TACR3: variants seen among roughly 807,000 people sequenced by gnomAD.
The protein encoded by TACR3 is tachykinin receptor 3.
A neutral mutation model predicts 35.0 loss-of-function variants in TACR3; 34 were observed. That is an observed-to-expected ratio of 0.97 (90% CI 0.74 to 1.30). The LOEUF is 1.30. Among genes scored for constraint, TACR3 ranks in the 50% most tolerant of loss-of-function variants. TACR3 has a pLI of 0.00. For missense variants in TACR3, 558 were observed against 591.7 expected, an observed-to-expected ratio of 0.94 and a Z score of 0.59; for synonymous variants, 233 against 221.1, an observed-to-expected ratio of 1.05 and a Z score of -0.48.
intron 3 of TACR3, among the ~76,000 whole-genome samples, chr4:103,642,439 A>T (rs1646899785): frequency 6.6e-6 from 1 of 151,870 alleles, no homozygotes; most frequent in Non-Finnish European, 1.5e-5. Flanking sequence ...TACTGAAGAA[A>T]ACGTGGTATA....
At chr4:103,635,406 T>C (rs1725165157) in intron 3 of TACR3, among the ~76,000 whole-genome samples, 1 of 151,974 alleles carries the variant, frequency 6.6e-6, no homozygotes. Flanking sequence ...GTCTCCATGC[T>C]AAACTGAACT....
chr4:103,698,283 A>G (rs1316432491), intron 1 of TACR3, among the ~76,000 whole-genome samples: 2 of 152,132 alleles, frequency 1.3e-5, no homozygotes, highest in Admixed American at 6.5e-5. Flanking sequence ...TTAAAAATTT[A>G]CTTCATTTAT....
intron 1 of TACR3, among the ~76,000 whole-genome samples, chr4:103,671,542 CCTTTT>C (rs1560525516): frequency 6.6e-6 from 1 of 151,834 alleles, no homozygotes; most frequent in Non-Finnish European, 1.5e-5. Flanking sequence ...AAGAATTTAT[CCTTTT>C]CTTCTAGGTT....
chr4:103,635,560 T>A (rs985337032), intron 3 of TACR3, among the ~76,000 whole-genome samples: 5 of 152,014 alleles, frequency 3.3e-5, no homozygotes, highest in Non-Finnish European at 7.4e-5. Context: ...GTCAATGGTG[T>A]GACGGAAAAC....
At chr4:103,607,341 C>G (rs149489345) in intron 3 of TACR3, among the ~76,000 whole-genome samples, 77 of 152,092 alleles carry the variant, frequency 5.1e-4, no homozygotes, top group African/African-American at 1.8e-3. Context: ...TTGAAGGTAT[C>G]TGATTTTCAG....
At chr4:103,692,230 G>T (rs998687128) in intron 1 of TACR3, among the ~76,000 whole-genome samples, 2 of 151,698 alleles carry the variant, frequency 1.3e-5, no homozygotes, top group Non-Finnish European at 2.9e-5. Flanking sequence ...TACGTAAAAA[G>T]GTTTACCATG....
intron 3 of TACR3, among the ~76,000 whole-genome samples, chr4:103,596,700 C>T (rs1057356117): frequency 1.3e-5 from 2 of 151,968 alleles, no homozygotes; most frequent in Non-Finnish European, 2.9e-5. Flanking sequence ...GTCTGCTGCA[C>T]CCATTAACTC....
At chr4:103,642,119 C>T (rs931803185) in intron 3 of TACR3, among the ~76,000 whole-genome samples, 3 of 151,484 alleles carry the variant, frequency 2.0e-5, no homozygotes, top group Non-Finnish European at 4.4e-5. Flanking sequence ...GAATAAATTT[C>T]AAATGTTCTC....
chr4:103,641,518 G>T (rs1050966804), intron 3 of TACR3, among the ~76,000 whole-genome samples: 1 of 151,920 alleles, frequency 6.6e-6, no homozygotes. Flanking sequence ...CTTGTACACT[G>T]TTGTTGGGAA....
At chr4:103,709,589 C>T (rs1218033950) in intron 1 of TACR3, among the ~76,000 whole-genome samples, 1 of 152,186 alleles carries the variant, frequency 6.6e-6, no homozygotes, top group African/African-American at 2.4e-5. Context: ...CAGGAAGAAA[C>T]TGCATCAACT....
At position 103,618,394 on chromosome 4, in the gene TACR3, T is replaced by G. The variant is rs144344986; in HGVS notation, c.889-26711A>C. 2.2e-3 allele frequency among the ~76,000 whole-genome samples: 331 copies of G among 152,162 alleles called. 1 individual carries two copies. The highest frequency in any genetic ancestry group is 7.6e-3 in the African/African-American group (317 of 41,526). ...CAAAGTTCAGATGGTTGGTTGTAGG[T>G]GTGTGGCTTATTTCTGAGTTTTCTG... On this transcript the variant is annotated intron_variant, in intron 3 of 4. Transcript: ENST00000304883.
intron 3 of TACR3, among the ~76,000 whole-genome samples, chr4:103,635,783 T>TG (rs59475846): frequency 1.3e-5 from 2 of 151,888 alleles, no homozygotes; most frequent in East Asian, 3.9e-4. Context: ...GAGGTAGCTC[T>TG]TATTATTTTA....
At chr4:103,702,565 G>T (rs1722679873) in intron 1 of TACR3, among the ~76,000 whole-genome samples, 1 of 151,988 alleles carries the variant, frequency 6.6e-6, no homozygotes, top group Non-Finnish European at 1.5e-5. Flanking sequence ...ATACCCAAAG[G>T]ATTATAAATC....
At chr4:103,597,984 G>C (rs1226204903) in intron 3 of TACR3, among the ~76,000 whole-genome samples, 1 of 152,146 alleles carries the variant, frequency 6.6e-6, no homozygotes, top group Non-Finnish European at 1.5e-5. Flanking sequence ...GGGATGGCTA[G>C]GTCAAATGGT....
At chr4:103,667,261 A>G (rs181428745) in intron 1 of TACR3, among the ~76,000 whole-genome samples, 363 of 152,036 alleles carry the variant, frequency 2.4e-3, no homozygotes, top group African/African-American at 8.4e-3. Context: ...TGTCTCAAAA[A>G]CAAAACAAAA....
chr4:103,629,753 C>G (rs912650333), intron 3 of TACR3, among the ~76,000 whole-genome samples: 8 of 150,458 alleles, frequency 5.3e-5, no homozygotes, highest in African/African-American at 2.0e-4. Flanking sequence ...CCCCATCAAG[C>G]TACCAATGAC....
intron 3 of TACR3, among the ~76,000 whole-genome samples, chr4:103,640,802 G>C (rs1234681066): frequency 8.6e-5 from 13 of 151,484 alleles, no homozygotes; most frequent in Admixed American, 8.6e-4. Context: ...TTTTATGTGT[G>C]GCCCAAGACA....
intron 1 of TACR3, among the ~76,000 whole-genome samples, chr4:103,693,541 T>G (rs1664884855): frequency 6.6e-6 from 1 of 152,164 alleles, no homozygotes; most frequent in Non-Finnish European, 1.5e-5. Context: ...GTGCATTTCT[T>G]TAATTATTGT....
chr4:103,674,287 A>T (rs1726119961), intron 1 of TACR3, among the ~76,000 whole-genome samples: 1 of 151,798 alleles, frequency 6.6e-6, no homozygotes, highest in Admixed American at 6.6e-5. Flanking sequence ...AGCACAATGA[A>T]TTGTCTCCAG....
Sources: allele counts gnomAD v4.1 joint callset (sites outside exome capture counted in the v4.1 genomes callset), GRCh38; gene constraint gnomAD v4.1.1; transcripts MANE v1.5; gene names NCBI Gene and HGNC (gene_info 2026-07-23, HGNC 2026-07-21).